CSMD1: variants seen among roughly 807,000 people sequenced by gnomAD.
The protein encoded by CSMD1 is CUB and Sushi multiple domains 1, also known as CUB and sushi domain-containing protein 1.
Under a neutral mutation model 417.5 loss-of-function variants are expected in CSMD1, and 213 were observed. The ratio of observed to expected loss-of-function variants is 0.51; its 90% CI spans 0.46 to 0.57. CSMD1 has a LOEUF of 0.57. Among genes scored for constraint, CSMD1 ranks in the 20% least tolerant of loss-of-function variants. The probability of loss-of-function intolerance (pLI) is 0.00; values close to 1 mark genes in which losing one functional copy is unlikely to be tolerated. For synonymous variants in CSMD1, 2,862 were observed against 1,736.8 expected (o/e 1.65, Z -16.11); for missense variants, 6,923 against 4,529.7 (o/e 1.53, Z -15.17).
chr8:4,044,577 G>A (rs930777238), intron 3 of CSMD1, among the ~76,000 whole-genome samples: 5 of 152,140 alleles, frequency 3.3e-5, no homozygotes, highest in South Asian at 4.1e-4. Context: ...CTCGGTCACC[G>A]GAAGGATAAT....
intron 3 of CSMD1, among the ~76,000 whole-genome samples, chr8:4,353,695 A>G (rs1334075115): frequency 2.0e-5 from 3 of 152,114 alleles, no homozygotes; most frequent in African/African-American, 7.2e-5. Context: ...ACAATCAGGC[A>G]TAAGAAAAAT....
At chr8:3,053,564 T>G (rs1020104680) in intron 49 of CSMD1, among the ~76,000 whole-genome samples, 1 of 152,118 alleles carries the variant, frequency 6.6e-6, no homozygotes, top group African/African-American at 2.4e-5. Flanking sequence ...AGGCAGCATC[T>G]AGTGGGGATG....
chr8:4,810,577 G>C (rs1019715722), intron 1 of CSMD1, among the ~76,000 whole-genome samples: 1 of 152,172 alleles, frequency 6.6e-6, no homozygotes, highest in Non-Finnish European at 1.5e-5. Context: ...GGGGGGTGGT[G>C]GCTGTGTGTC....
At chr8:4,358,254 TTTTGC>T (rs1407279891) in intron 3 of CSMD1, among the ~76,000 whole-genome samples, 1 of 152,238 alleles carries the variant, frequency 6.6e-6, no homozygotes, top group Non-Finnish European at 1.5e-5. Context: ...CTTGTTGAAC[TTTTGC>T]TTTACCAGTG....
intron 2 of CSMD1, among the ~76,000 whole-genome samples, chr8:4,610,768 T>G (rs1211252856): frequency 6.6e-6 from 1 of 152,226 alleles, no homozygotes; most frequent in Non-Finnish European, 1.5e-5. Context: ...TTACTTAATC[T>G]AATAACATGG....
At chr8:4,729,223 T>C (rs977053580) in intron 1 of CSMD1, among the ~76,000 whole-genome samples, 6 of 152,112 alleles carry the variant, frequency 3.9e-5, no homozygotes, top group Non-Finnish European at 8.8e-5. Flanking sequence ...AAAGAGGGCA[T>C]TATCACAGAA....
chr8:4,095,292 T>C (rs1405275002), intron 3 of CSMD1, among the ~76,000 whole-genome samples: 1 of 152,206 alleles, frequency 6.6e-6, no homozygotes, highest in Non-Finnish European at 1.5e-5. Context: ...TAACCTTTAA[T>C]ATCAATTCTG....
At chr8:4,697,177 A>T (rs1807189525) in intron 1 of CSMD1, among the ~76,000 whole-genome samples, 1 of 152,130 alleles carries the variant, frequency 6.6e-6, no homozygotes, top group Non-Finnish European at 1.5e-5. Context: ...GTCTCAAAAA[A>T]ATAATAATAA....
intron 2 of CSMD1, among the ~76,000 whole-genome samples, chr8:4,532,931 G>C (rs886395364): frequency 8.3e-5 from 12 of 144,756 alleles, no homozygotes; most frequent in African/African-American, 2.8e-4. Context: ...TCTTGCACCT[G>C]CATTCACAGT....
chr8:3,372,696 G>A (rs1228013763), intron 18 of CSMD1, among the ~76,000 whole-genome samples: 3 of 152,136 alleles, frequency 2.0e-5, no homozygotes, highest in African/African-American at 7.2e-5. Context: ...TGTAAGGCAG[G>A]CGTTCAGCTT....
At chr8:4,362,986 C>G (rs1026338929) in intron 3 of CSMD1, among the ~76,000 whole-genome samples, 3 of 152,150 alleles carry the variant, frequency 2.0e-5, no homozygotes, top group African/African-American at 4.8e-5. Context: ...CAACAAACAT[C>G]TCAGTAGCAG....
At chr8:4,452,882 C>A (rs11136744) in intron 2 of CSMD1, among the ~76,000 whole-genome samples, 1 of 152,046 alleles carries the variant, frequency 6.6e-6, no homozygotes, top group African/African-American at 2.4e-5. Context: ...GACTGTGAAA[C>A]AAATTCAGTA....
chr8:3,920,038 G>T (rs2954619), intron 5 of CSMD1, among the ~76,000 whole-genome samples: 64,709 of 150,684 alleles, frequency 0.43, 14,206 homozygotes, highest in East Asian at 0.7. Context: ...TTACTTTTTT[G>T]TTTTTCTTCC....
chr8:4,905,769 G>A (rs993009249), intron 1 of CSMD1, among the ~76,000 whole-genome samples: 19 of 139,456 alleles, frequency 1.4e-4, no homozygotes, highest in African/African-American at 2.7e-4. Context: ...GCAGTGAGCC[G>A]AGATTGTGCC....
intron 5 of CSMD1, among the ~76,000 whole-genome samples, chr8:3,879,315 C>T (rs918665314): frequency 6.7e-6 from 1 of 148,604 alleles, no homozygotes; most frequent in African/African-American, 2.6e-5. Flanking sequence ...GTCCTGCAGC[C>T]AAATCTAAAT....
Position 4,242,957 on chromosome 8 carries a change from G to C in CSMD1, c.415+176996C>G, listed in dbSNP as rs963558794. ...ATCAATATATAACATTGCATGAAAAGTCAAAGTTTAAAATTTTATGTGTAG... is the reference window on the plus strand; with the variant it reads ...ATCAATATATAACATTGCATGAAAACTCAAAGTTTAAAATTTTATGTGTAG... On this transcript the variant is annotated intron_variant, in intron 3 of 69. Coordinates refer to ENST00000635120, the MANE Select transcript of CSMD1 (RefSeq NM_033225.6). Among the ~76,000 whole-genome samples, 118 of 152,212 alleles carry C rather than the reference G, an allele frequency of 7.8e-4. 1 individual carries two copies. The highest frequency in any genetic ancestry group is 2.7e-3 in the African/African-American group (112 of 41,552).
In CSMD1 at chr8:4,533,353, G is replaced by A. The variant is rs115496559; in HGVS notation, c.302+103989C>T. ...CAGTAGTTTAGAGTTAATTCATTTGGAAAGGCTTCTGTATTTGATCCCAGA... is the reference window on the plus strand; with the variant it reads ...CAGTAGTTTAGAGTTAATTCATTTGAAAAGGCTTCTGTATTTGATCCCAGA... On this transcript the variant is annotated intron_variant, in intron 2 of 69. Coordinates refer to ENST00000635120, the MANE Select transcript of CSMD1 (RefSeq NM_033225.6). 4.0e-3 allele frequency among the ~76,000 whole-genome samples: 604 copies of A among 152,260 alleles called. 6 individuals carry two copies. Among genetic ancestry groups the A allele is most frequent in the African/African-American group, 0.014 (566 of 41,556 alleles).
At chr8:4,068,403 G>T (rs1799370935) in intron 3 of CSMD1, among the ~76,000 whole-genome samples, 1 of 152,128 alleles carries the variant, frequency 6.6e-6, no homozygotes, top group Non-Finnish European at 1.5e-5. Flanking sequence ...TTTCACACTG[G>T]GGAGAGACAT....
At chr8:4,801,233 G>C (rs1451905774) in intron 1 of CSMD1, among the ~76,000 whole-genome samples, 3 of 152,150 alleles carry the variant, frequency 2.0e-5, no homozygotes, top group Admixed American at 2.0e-4. Context: ...CGGCCACCTT[G>C]AGGACTGATC....
Sources: allele counts gnomAD v4.1 joint callset (sites outside exome capture counted in the v4.1 genomes callset), GRCh38; gene constraint gnomAD v4.1.1; transcripts MANE v1.5; gene names NCBI Gene and HGNC (gene_info 2026-07-23, HGNC 2026-07-21).